The following SYNE2 variants were observed in gnomAD, a reference collection of about 807,000 sequenced individuals.
The protein encoded by SYNE2 is spectrin repeat containing nuclear envelope protein 2.
In SYNE2, 431 loss-of-function variants were observed where a neutral mutation model predicts 856.3. That is an observed-to-expected ratio of 0.50 (90% CI 0.47 to 0.55). SYNE2 has a LOEUF of 0.55. Ranked by LOEUF, SYNE2 falls within the 20% of genes least tolerant of loss-of-function variation. The probability of loss-of-function intolerance (pLI) is 0.00; values close to 1 mark genes in which losing one functional copy is unlikely to be tolerated. For synonymous variants in SYNE2, 2,923 were observed against 2,872.3 expected (o/e 1.02, Z -0.56); for missense variants, 8,129 against 8,023.2 (o/e 1.01, Z -0.50).
Position 64,175,000 on chromosome 14 carries a change from T to A in SYNE2, c.17292T>A (p.Ala5764=). The change falls in exon 95 of 116, where the codon GCT becomes GCA. Residue 5764 remains alanine (A), a synonymous_variant. Transcript: ENST00000555002. ...RRTTCALTLE[A]GEKLLLTTDL... is the part of the protein sequence containing the mutation. ...CTACCTGTGCCCTAACCTTGGAAGC[T>A]GGAGAAAAGTTACTGCTCACAACTG... The A allele has an allele frequency of 6.2e-7, 1 of 1,614,174 alleles. No homozygotes were observed.
Position 63,892,341 on chromosome 14 carries a change from T to C in SYNE2, c.-51-16757T>C, listed in dbSNP as rs533353183. On this transcript the variant is annotated intron_variant, in intron 1 of 115. Transcript: ENST00000555002. ...CAGCTCAGAAGGACTAGTTCAACTT[T>C]GTAAATTTCACAGTTCCTCCATTCC... Among the ~76,000 whole-genome samples, 4 of 152,168 alleles carry C rather than the reference T, an allele frequency of 2.6e-5. No homozygotes were observed. In the South Asian group the frequency reaches 6.2e-4, roughly 24 times the overall value.
chr14:64,049,999 G>C (rs1346137480), intron 47 of SYNE2, 123 bp downstream of exon 47: 1 of 1,188,316 alleles, frequency 8.4e-7, no homozygotes, highest in African/African-American at 1.5e-5. Flanking sequence ...AAAACCACAG[G>C]ATGGAATGTT....
intron 78 of SYNE2, among the ~76,000 whole-genome samples, chr14:64,135,135 A>G (rs1195128808): frequency 1.3e-5 from 2 of 152,240 alleles, no homozygotes; most frequent in Non-Finnish European, 2.9e-5. Context: ...AACATGACCA[A>G]CAAGATAAAA....
At chr14:63,763,211 G>A (rs1239120189) in intron 1 of SYNE2, among the ~76,000 whole-genome samples, 2 of 152,038 alleles carry the variant, frequency 1.3e-5, no homozygotes, top group Non-Finnish European at 2.9e-5. Context: ...CAGGTGATCC[G>A]CCTGCCTCGG....
At chr14:64,151,897 C>T (rs1276358500) in intron 84 of SYNE2, among the ~76,000 whole-genome samples, 5 of 152,164 alleles carry the variant, frequency 3.3e-5, no homozygotes, top group South Asian at 4.1e-4. Context: ...TAAGCAGCTC[C>T]GACCGTCCTT....
intron 43 of SYNE2, 70 bp downstream of exon 43, chr14:64,027,863 A>G: frequency 8.4e-7 from 1 of 1,189,756 alleles, no homozygotes. Flanking sequence ...CATATGTGGA[A>G]CTATCTGTTG....
chr14:63,813,008 A>G (rs1421598257), intron 1 of SYNE2, among the ~76,000 whole-genome samples: 1 of 152,224 alleles, frequency 6.6e-6, no homozygotes, highest in Admixed American at 6.5e-5. Flanking sequence ...GAAACTGCAG[A>G]TACTTTGGGG....
chr14:63,866,309 T>C (rs765321774), intron 1 of SYNE2, among the ~76,000 whole-genome samples: 11 of 152,208 alleles, frequency 7.2e-5, no homozygotes, highest in Non-Finnish European at 1.5e-4. Context: ...GGTGAACTCT[T>C]TCAATTTACT....
At chr14:63,989,078 A>G (rs74343082) in intron 19 of SYNE2, among the ~76,000 whole-genome samples, 1,906 of 152,320 alleles carry the variant, frequency 0.013, 40 homozygotes, top group African/African-American at 0.043. Flanking sequence ...TATCATATTT[A>G]TTAGACATCT....
chr14:63,870,186 C>T (rs1051248235), intron 1 of SYNE2, among the ~76,000 whole-genome samples: 1 of 152,142 alleles, frequency 6.6e-6, no homozygotes, highest in Non-Finnish European at 1.5e-5. Flanking sequence ...CACACCCTGC[C>T]ATTAACCCTG....
chr14:64,151,779 C>T (rs2098246442), intron 84 of SYNE2, among the ~76,000 whole-genome samples: 4 of 152,172 alleles, frequency 2.6e-5, no homozygotes. Flanking sequence ...CCAAAGATCT[C>T]TTGTGTTTTC....
chr14:64,146,919 A>T (rs904976018), intron 84 of SYNE2, among the ~76,000 whole-genome samples: 1 of 152,208 alleles, frequency 6.6e-6, no homozygotes, highest in Non-Finnish European at 1.5e-5. Context: ...CCCCATTTCT[A>T]CTGAGGAGGT....
intron 1 of SYNE2, among the ~76,000 whole-genome samples, chr14:63,889,149 A>G (rs1425627873): frequency 2.0e-5 from 3 of 147,556 alleles, no homozygotes; most frequent in Non-Finnish European, 4.5e-5. Flanking sequence ...CTATGGGTAT[A>G]GTTTTTTTTT....
At chr14:63,894,555 G>A (rs1248886897) in intron 1 of SYNE2, among the ~76,000 whole-genome samples, 1 of 152,018 alleles carries the variant, frequency 6.6e-6, no homozygotes, top group Non-Finnish European at 1.5e-5. Context: ...TTGCTGGAAC[G>A]GGAGTGTGCT....
intron 100 of SYNE2, among the ~76,000 whole-genome samples, chr14:64,207,031 G>A (rs1389553006): frequency 6.6e-6 from 1 of 152,056 alleles, no homozygotes; most frequent in Non-Finnish European, 1.5e-5. Flanking sequence ...CCCACCATTC[G>A]AGCATATCAG....
rs1307856128 is a variant in SYNE2 at position 63,895,586 on chromosome 14, C to G, written c.-51-13512C>G. On this transcript the variant is annotated intron_variant, in intron 1 of 115. Coordinates refer to ENST00000555002, the MANE Select transcript of SYNE2 (RefSeq NM_182914.3). ...TGGGCAACATGGCAAGATCCTGTCT[C>G]TATCAAAAAAAAAAAAAAAAAAAAA... 5.4e-5 allele frequency among the ~76,000 whole-genome samples: 7 copies of G among 128,656 alleles called. No homozygotes were observed. In the East Asian group the frequency reaches 1.5e-3, roughly 28 times the overall value. The allele number at this position is 128,656 out of a possible 152,430, so 84.4% of individuals were successfully genotyped here.
At chr14:63,780,880 G>A (rs1005637007) in intron 1 of SYNE2, among the ~76,000 whole-genome samples, 2 of 152,162 alleles carry the variant, frequency 1.3e-5, no homozygotes, top group African/African-American at 4.8e-5. Context: ...ATGGCATTGG[G>A]ATGGGGATCA....
chr14:64,001,497 C>T (rs917626929), intron 28 of SYNE2, among the ~76,000 whole-genome samples: 4 of 151,848 alleles, frequency 2.6e-5, no homozygotes, highest in African/African-American at 4.8e-5. Flanking sequence ...CCAGCCTGGT[C>T]AACATGGTGA....
intron 114 of SYNE2, 97 bp from the exon 115 acceptor site, chr14:64,224,902 A>AGGT (rs1188064965): frequency 1.7e-6 from 2 of 1,144,272 alleles, no homozygotes; most frequent in African/African-American, 3.1e-5. Flanking sequence ...CACAACATAA[A>AGGT]GGTGGTATAT....
Sources: allele counts gnomAD v4.1 joint callset (sites outside exome capture counted in the v4.1 genomes callset), GRCh38; gene constraint gnomAD v4.1.1; transcripts MANE v1.5; gene names NCBI Gene and HGNC (gene_info 2026-07-23, HGNC 2026-07-21).